HFE: variants seen among roughly 807,000 people sequenced by gnomAD.
HFE encodes homeostatic iron regulator.
A neutral mutation model predicts 40.9 loss-of-function variants in HFE; 36 were observed. That is an observed-to-expected ratio of 0.88 (90% CI 0.67 to 1.16). The LOEUF is 1.16. Among genes scored for constraint, HFE ranks in the 50% most tolerant of loss-of-function variants. The pLI, the probability that HFE is intolerant of heterozygous loss-of-function variation, is 0.00. For synonymous variants in HFE, 157 were observed against 165.4 expected, an observed-to-expected ratio of 0.95 and a Z score of 0.39; for missense variants, 376 against 432.0, an observed-to-expected ratio of 0.87 and a Z score of 1.15.
intron 3 of HFE, 48 bp from the exon 4 acceptor site, chr6:26,092,637 C>T (rs807209): frequency 2.6e-4 from 412 of 1,614,042 alleles, no homozygotes; most frequent in Non-Finnish European, 3.1e-4. Flanking sequence ...GTCTTCCTGG[C>T]AAGGGTAAAC....
Position 26,090,992 on chromosome 6 carries a change from C to T in HFE, c.228C>T (p.Ser76=), listed in dbSNP as rs62625342. The change falls in exon 2 of 6, where the codon TCC becomes TCT. Residue 76 remains serine (S), a synonymous_variant. Transcript: ENST00000357618. ...RRVEPRTPWV[S]SRISSQMWLQ... is the part of the protein sequence containing the mutation. ...TGGAGCCCCGAACTCCATGGGTTTC[C>T]AGTAGAATTTCAAGCCAGATGTGGC... is the stretch of plus-strand genomic sequence containing the variant. 7.4e-6 allele frequency: 12 copies of T among 1,614,140 alleles called. No individual in the cohort carries two copies. The East Asian group carries it at 1.8e-4, about 24-fold the overall frequency.
chr6:26,089,868 C>T (rs1762554243), intron 1 of HFE, among the ~76,000 whole-genome samples: 1 of 152,108 alleles, frequency 6.6e-6, no homozygotes, highest in Admixed American at 6.5e-5. Flanking sequence ...GTTGAGGCTG[C>T]AGTGAGCCAT....
chr6:26,093,171 T>C lies in HFE; in HGVS notation c.945T>C (p.Val315=), dbSNP rs148632352. The C allele has an allele frequency of 8.1e-6, 13 of 1,613,970 alleles. No individual in the cohort carries two copies. The African/African-American group carries it at 1.7e-4, about 22-fold the overall frequency. The change falls in exon 5 of 6, where the codon GTT becomes GTC. Residue 315 remains valine, a synonymous_variant. Coordinates refer to ENST00000357618, the MANE Select transcript of HFE (RefSeq NM_000410.4). ...LVIGVISGIA[V]FVVILFIGIL... ...TTGGAGTCATCAGTGGAATTGCTGT[T>C]TTTGTCGTCATCTTGTTCATTGGAA...
intron 1 of HFE, among the ~76,000 whole-genome samples, chr6:26,088,109 C>T (rs1334590672): frequency 6.6e-6 from 1 of 152,184 alleles, no homozygotes; most frequent in Non-Finnish European, 1.5e-5. Context: ...GTGGGAGGCT[C>T]CTGAGAGAGG....
rs944283547 is a variant in HFE at position 26,098,196 on chromosome 6, A to T, written c.*3970A>T. 5 of 152,236 alleles carry T rather than the reference A, an allele frequency of 3.3e-5. No individual in the cohort carries two copies. The highest frequency in any genetic ancestry group is 5.9e-5 in the Non-Finnish European group (4 of 68,038). The allele number at this position is 152,236 out of a possible 1,614,324, so 9.4% of individuals were successfully genotyped here. A position where few individuals can be genotyped will look rare whatever the true frequency, so the allele number is the denominator to read the frequency against. On this transcript the variant is annotated 3_prime_UTR_variant, in exon 6 of 6. Transcript: ENST00000357618. ...TGCATGCATTTATTACTTGATATGC[A>T]TGCATTCTGGTATCTCAAGCATTCT...
At position 26,092,915 on chromosome 6, in the gene HFE, C is replaced by A. The variant is rs762322701; in HGVS notation, c.847C>A (p.Gln283Lys). The A allele has an allele frequency of 1.8e-5, 29 of 1,614,126 alleles. No individual in the cohort carries two copies. Among genetic ancestry groups the A allele is most frequent in the Non-Finnish European group, 2.5e-5 (29 of 1,180,030 alleles). ...TGGGGAAGAGCAGAGATATACGTGC[C>A]AGGTGGAGCACCCAGGCCTGGATCA... ...PPGEEQRYTC[Q>K]VEHPGLDQPL... The change falls in exon 4 of 6, where the codon CAG becomes AAG. Residue 283 changes from glutamine (Q) to lysine (K), a missense_variant. Around this residue, in one of 3 missense-constraint regions of HFE, gnomAD observed 173 missense variants for 186.9 expected, o/e 0.93. Transcript: ENST00000357618.
In HFE at chr6:26,096,427, C is replaced by G. The variant is rs1763035039; in HGVS notation, c.*2201C>G. 2.2e-6 allele frequency: 1 copy of G among 455,324 alleles called. No homozygotes were observed. The highest frequency in any genetic ancestry group is 2.0e-5 in the African/African-American group (1 of 50,018). 28.2% of individuals were successfully genotyped at this position (455,324 alleles called of 1,614,324 possible). On this transcript the variant is annotated 3_prime_UTR_variant, in exon 6 of 6. Transcript: ENST00000357618. ...GAGATTACAGGTGTGAGCCACCCTG[C>G]CCAGCCGTCAAAAGAGTCTTAATAT...
intron 1 of HFE, 21 bp from the exon 2 acceptor site, chr6:26,090,820 G>A (rs1431326462): frequency 1.9e-6 from 3 of 1,612,712 alleles, no homozygotes; most frequent in Admixed American, 3.3e-5. Context: ...ACATGGTTAA[G>A]GCCTGTTGCT....
chr6:26,089,956 A>G (rs62625330), intron 1 of HFE, among the ~76,000 whole-genome samples: 5,338 of 152,252 alleles, frequency 0.035, 200 homozygotes, highest in African/African-American at 0.09. Flanking sequence ...GAGAAGAGTT[A>G]AAGTTGACTT....
At chr6:26,092,565 CT>C in intron 3 of HFE, 119 bp from the exon 4 acceptor site, 1 of 1,586,980 alleles carries the variant, frequency 6.3e-7, no homozygotes, top group Non-Finnish European at 8.6e-7. Flanking sequence ...TCTCCTGTAG[CT>C]TGTTTTTTTC....
rs1256311452 is a variant in HFE, at chr6:26,092,828, A to G, written c.760A>G (p.Lys254Glu). The G allele has an allele frequency of 6.2e-7, 1 of 1,614,080 alleles. No homozygotes were observed. Among genetic ancestry groups the G allele is most frequent in the Non-Finnish European group, 8.5e-7 (1 of 1,180,048 alleles). Residue 254 changes from lysine (K) to glutamate (E), a missense_variant, in exon 4 of 6, where the codon AAA (lysine) becomes GAA (glutamate). Physicochemically the swap from Lys to Glu is moderately conservative, Grantham distance 56. This residue lies in a region of HFE where 173 missense variants were observed against 186.9 expected (regional missense o/e 0.93). Transcript: ENST00000357618. ...QPMDAKEFEPKDVLPNGDGTY... is the reference protein window; with the variant it reads ...QPMDAKEFEPEDVLPNGDGTY... Reference sequence around the variant, plus strand: ...AATGGATGCCAAGGAGTTCGAACCTAAAGACGTATTGCCCAATGGGGATGG... The same window carrying G: ...AATGGATGCCAAGGAGTTCGAACCTGAAGACGTATTGCCCAATGGGGATGG...
At position 26,096,077 on chromosome 6, in the gene HFE, A is replaced by T. The variant is rs1287979146; in HGVS notation, c.*1851A>T. 6.4e-6 allele frequency: 1 copy of T among 155,528 alleles called. No individual in the cohort carries two copies. Among genetic ancestry groups the T allele is most frequent in the Non-Finnish European group, 1.4e-5 (1 of 70,328 alleles). 9.6% of individuals were successfully genotyped at this position (155,528 alleles called of 1,614,324 possible). On this transcript the variant is annotated 3_prime_UTR_variant, in exon 6 of 6. Coordinates refer to ENST00000357618, the MANE Select transcript of HFE (RefSeq NM_000410.4). ...CACTGGGGTTCCGGTGCACATTAAA[A>T]AAAAAATCTAACCAGGACATTCAGG...
intron 5 of HFE, among the ~76,000 whole-genome samples, chr6:26,093,849 T>C (rs1440512539): frequency 6.6e-6 from 1 of 152,002 alleles, no homozygotes; most frequent in Non-Finnish European, 1.5e-5. Flanking sequence ...ATCTGTGGTG[T>C]AGGGAAAAGA....
chr6:26,092,444 A>G (rs1762789016), intron 3 of HFE, among the ~76,000 whole-genome samples: 1 of 152,148 alleles, frequency 6.6e-6, no homozygotes, highest in Non-Finnish European at 1.5e-5. Context: ...TATCAGAACA[A>G]AGAACATGGG....
Position 26,096,787 on chromosome 6 carries a change from CA to C in HFE, c.*2562del, listed in dbSNP as rs1419778676. On this transcript the variant is annotated 3_prime_UTR_variant, in exon 6 of 6. Transcript: ENST00000357618. ...CTATTACCTGTTAGTATTATTGTTG[CA>C]TTAAAAATGCATATACTTTAATAAA... 2 of 359,758 alleles carry C rather than the reference CA, an allele frequency of 5.6e-6. No homozygotes were observed. Among genetic ancestry groups the C allele is most frequent in the African/African-American group, 4.3e-5 (2 of 46,802 alleles). 22.3% of individuals were successfully genotyped at this position (359,758 alleles called of 1,614,324 possible). A position where few individuals can be genotyped will look rare whatever the true frequency, so the allele number is the denominator to read the frequency against.
Position 26,092,763 on chromosome 6 carries a change from C to T in HFE, c.695C>T (p.Pro232Leu). 1 of 1,614,210 alleles carries T rather than the reference C, an allele frequency of 6.2e-7. No individual in the cohort carries two copies. The highest frequency in any genetic ancestry group is 8.5e-7 in the Non-Finnish European group (1 of 1,180,034). The change falls in exon 4 of 6, where the codon CCC (proline) becomes CTC (leucine). Residue 232 changes from proline (P) to leucine (L), a missense_variant. Physicochemically the swap from Pro to Leu is moderately conservative, Grantham distance 98. This residue lies in a region of HFE where 173 missense variants were observed against 186.9 expected (regional missense o/e 0.93). Transcript: ENST00000357618. ...CGGTGTCGGGCCTTGAACTACTACC[C>T]CCAGAACATCACCATGAAGTGGCTG... ...TLRCRALNYY[P>L]QNITMKWLKD...
At position 26,098,329 on chromosome 6, in the gene HFE, T is replaced by C. The variant is rs1332829132; in HGVS notation, c.*4103T>C. The C allele has an allele frequency of 1.3e-5, 2 of 152,226 alleles. No homozygotes were observed. The highest frequency in any genetic ancestry group is 2.9e-5 in the Non-Finnish European group (2 of 68,032). The allele number at this position is 152,226 out of a possible 1,614,324, so 9.4% of individuals were successfully genotyped here. The stretch of plus-strand genomic sequence containing the variant: ...ATGGATGAATTTGTACATTAAAAGT[T>C]TTCCATGGCAGAAATCTTTTCAAAA... On this transcript the variant is annotated 3_prime_UTR_variant, in exon 6 of 6. Transcript: ENST00000357618.
chr6:26,090,817 T>G, intron 1 of HFE, 24 bp from the exon 2 acceptor site: 1 of 1,612,686 alleles, frequency 6.2e-7, no homozygotes, highest in East Asian at 2.2e-5. Context: ...TACACATGGT[T>G]AAGGCCTGTT....
Position 26,092,919 on chromosome 6 carries a change from T to A in HFE, c.851T>A (p.Val284Glu). The change falls in exon 4 of 6, where the codon GTG (valine) becomes GAG (glutamate). Residue 284 changes from valine (V) to glutamate (E), a missense_variant. Transcript: ENST00000357618. ...PGEEQRYTCQ[V>E]EHPGLDQPLI... is the part of the protein sequence containing the mutation. ...GAAGAGCAGAGATATACGTGCCAGG[T>A]GGAGCACCCAGGCCTGGATCAGCCC... 6.2e-7 allele frequency: 1 copy of A among 1,614,086 alleles called. No individual in the cohort carries two copies. Among genetic ancestry groups the A allele is most frequent in the Non-Finnish European group, 8.5e-7 (1 of 1,179,998 alleles).
Sources: allele counts gnomAD v4.1 joint callset (sites outside exome capture counted in the v4.1 genomes callset), GRCh38; gene constraint gnomAD v4.1.1; regional missense constraint gnomAD v4.1.1; transcripts MANE v1.5; gene names NCBI Gene and HGNC (gene_info 2026-07-23, HGNC 2026-07-21).